The following COL4A2 variants were observed in gnomAD, a reference collection of about 807,000 sequenced individuals.
COL4A2 encodes collagen alpha-2(IV) chain.
A neutral mutation model predicts 200.2 loss-of-function variants in COL4A2; 99 were observed. The observed-to-expected ratio is 0.49, with a 90% CI of 0.42 to 0.58. The LOEUF (loss-of-function observed/expected upper bound fraction) is 0.58. Ranked by LOEUF, COL4A2 falls within the 20% of genes least tolerant of loss-of-function variation. The pLI is 0.00. For synonymous variants in COL4A2, 897 were observed against 900.6 expected (o/e 1.00, Z 0.07); for missense variants, 1,950 against 2,314.1 (o/e 0.84, Z 3.23).
chr13:110,356,955 G>C (rs1267891034), intron 3 of COL4A2, among the ~76,000 whole-genome samples: 1 of 151,978 alleles, frequency 6.6e-6, no homozygotes, highest in Non-Finnish European at 1.5e-5. Flanking sequence ...TAGTAGAGAC[G>C]GGGTTTCACC....
intron 3 of COL4A2, among the ~76,000 whole-genome samples, chr13:110,349,214 A>ATT (rs962530647): frequency 6.6e-6 from 1 of 152,104 alleles, no homozygotes; most frequent in Admixed American, 6.5e-5. Context: ...ATTTAAACCT[A>ATT]TTTTTTTAGT....
At chr13:110,491,610 G>A (rs368748660) in intron 37 of COL4A2, among the ~76,000 whole-genome samples, 36 of 152,300 alleles carry the variant, frequency 2.4e-4, no homozygotes, top group East Asian at 2.3e-3. Flanking sequence ...TATAGAAGCC[G>A]ACGGTTTGTA....
chr13:110,450,534 T>C (rs1881500804), intron 20 of COL4A2, 80 bp downstream of exon 20: 1 of 1,529,116 alleles, frequency 6.5e-7, no homozygotes, highest in Non-Finnish European at 8.9e-7. Context: ...TATTTGGGAT[T>C]CTCTGCTAAA....
rs564904701 is a variant in COL4A2 at position 110,321,208 on chromosome 13, G to GTATATA, written c.99+13098_99+13103dup. On this transcript the variant is annotated intron_variant, in intron 3 of 47. Transcript: ENST00000360467. ...TGTGTGTGTGTGTATGTGTCTGTGT[G>GTATATA]TATATATATATATATATACACACAC... Among the ~76,000 whole-genome samples, 317 of 146,666 alleles carry GTATATA rather than the reference G, an allele frequency of 2.2e-3. 2 individuals carry two copies. In the South Asian group the frequency reaches 0.024, roughly 11 times the overall value.
intron 39 of COL4A2, among the ~76,000 whole-genome samples, chr13:110,493,715 A>T (rs2139539403): frequency 6.6e-6 from 1 of 152,290 alleles, no homozygotes; most frequent in East Asian, 1.9e-4. Context: ...TGCTGGAGAC[A>T]GTGATAGCGC....
intron 4 of COL4A2, among the ~76,000 whole-genome samples, chr13:110,415,704 C>T (rs1594201727): frequency 6.6e-6 from 1 of 152,232 alleles, no homozygotes; most frequent in Non-Finnish European, 1.5e-5. Context: ...TGGGCTGTGC[C>T]ACAGATCCTG....
In COL4A2 at chr13:110,486,461, C is replaced by A. The variant is rs76727236; in HGVS notation, c.3207+625C>A. Among the ~76,000 whole-genome samples the A allele has an allele frequency of 7.1e-3, 1,080 of 152,312 alleles. 10 individuals are homozygous for A. Among genetic ancestry groups the A allele is most frequent in the Middle Eastern group, 0.034 (10 of 294 alleles). ...GCACAGCGTGGCTCCCCATAGATTC[C>A]GTTTCCTAGAATTCCATTTCTAGCC... On this transcript the variant is annotated intron_variant, in intron 34 of 47. Transcript: ENST00000360467.
intron 4 of COL4A2, among the ~76,000 whole-genome samples, chr13:110,408,812 T>TAC (rs68036789): frequency 0.44 from 36,970 of 83,932 alleles, 7,170 homozygotes; most frequent in Non-Finnish European, 0.49. Context: ...CACATATATA[T>TAC]ACACACACAC....
intron 3 of COL4A2, among the ~76,000 whole-genome samples, chr13:110,346,383 G>C (rs1876699748): frequency 1.3e-5 from 2 of 152,218 alleles, no homozygotes; most frequent in South Asian, 4.1e-4. Context: ...TTGATCCCGT[G>C]GTCACCATAG....
At chr13:110,350,794 T>C (rs530651370) in intron 3 of COL4A2, among the ~76,000 whole-genome samples, 9 of 152,326 alleles carry the variant, frequency 5.9e-5, no homozygotes, top group African/African-American at 1.9e-4. Flanking sequence ...TCCAGGGTGA[T>C]GCTGATGGGC....
At chr13:110,483,721 C>T (rs1038988193) in intron 32 of COL4A2, among the ~76,000 whole-genome samples, 13 of 132,200 alleles carry the variant, frequency 9.8e-5, no homozygotes, top group Admixed American at 2.1e-4. Flanking sequence ...GCCAAAAGGC[C>T]GAGAAGCGAT....
In COL4A2 at chr13:110,496,024, A is replaced by T. The variant is rs148552873; in HGVS notation, c.3760+557A>T. Among the ~76,000 whole-genome samples, 20 of 152,244 alleles carry T rather than the reference A, an allele frequency of 1.3e-4. No homozygotes were observed. The East Asian group carries it at 3.3e-3, about 25-fold the overall frequency. On this transcript the variant is annotated intron_variant, in intron 40 of 47. Coordinates refer to ENST00000360467, the MANE Select transcript of COL4A2 (RefSeq NM_001846.4). Reference sequence around the variant, plus strand: ...TCATTGTGCATGAGCCCACAGCCCCAGAGTCTGCTCCTGAGATCCATGGGC... The same window carrying T: ...TCATTGTGCATGAGCCCACAGCCCCTGAGTCTGCTCCTGAGATCCATGGGC...
chr13:110,510,891 C>T (rs1490567737), intron 47 of COL4A2, among the ~76,000 whole-genome samples: 2 of 152,222 alleles, frequency 1.3e-5, no homozygotes, highest in African/African-American at 2.4e-5. Flanking sequence ...TTCTTATTAC[C>T]TGCTCATTAG....
intron 16 of COL4A2, among the ~76,000 whole-genome samples, chr13:110,443,159 C>T (rs1881196614): frequency 6.6e-6 from 1 of 152,172 alleles, no homozygotes; most frequent in South Asian, 2.1e-4. Flanking sequence ...TGTCTTTAGT[C>T]TTTTATACTA....
At chr13:110,479,703 G>A (rs1357162471) in intron 30 of COL4A2, among the ~76,000 whole-genome samples, 5 of 152,198 alleles carry the variant, frequency 3.3e-5, no homozygotes, top group Non-Finnish European at 7.4e-5. Context: ...CTTGGAGTCG[G>A]GGGAGGCGGG....
intron 3 of COL4A2, among the ~76,000 whole-genome samples, chr13:110,342,654 C>T (rs1876509910): frequency 6.6e-6 from 1 of 152,124 alleles, no homozygotes; most frequent in South Asian, 2.1e-4. Flanking sequence ...AAATGAGGAC[C>T]CTGCAGGGCA....
At chr13:110,315,109 C>T (rs73619299) in intron 3 of COL4A2, among the ~76,000 whole-genome samples, 11,886 of 152,288 alleles carry the variant, frequency 0.078, 866 homozygotes, top group East Asian at 0.38. Flanking sequence ...TGCCCGGCCC[C>T]TGCCAGTTCT....
intron 46 of COL4A2, among the ~76,000 whole-genome samples, chr13:110,507,217 C>G (rs878964055): frequency 6.6e-6 from 1 of 152,204 alleles, no homozygotes; most frequent in African/African-American, 2.4e-5. Context: ...TTACATCAGG[C>G]GTTCTGCCCC....
chr13:110,481,949 G>T (rs1391788217), intron 31 of COL4A2, among the ~76,000 whole-genome samples: 1 of 97,246 alleles, frequency 1.0e-5, no homozygotes, highest in South Asian at 2.7e-4. Context: ...CTGTCCCTCC[G>T]TGCTGGAGAC....
Sources: gnomAD v4.1 joint callset for allele counts (sites outside exome capture counted in the v4.1 genomes callset) on GRCh38, gnomAD v4.1.1 for gene constraint, MANE v1.5 for transcripts, NCBI Gene and HGNC (gene_info 2026-07-23, HGNC 2026-07-21) for gene names.